The following PSAT1 variants were observed in gnomAD, a reference collection of about 807,000 sequenced individuals.
PSAT1 encodes the protein phosphoserine aminotransferase 1.
PSAT1 carries 41 observed loss-of-function variants against 40.3 expected under a neutral mutation model. The observed-to-expected ratio is 1.02, with a 90% confidence interval of 0.79 to 1.32. The LOEUF is 1.32. Among genes scored for constraint, PSAT1 ranks in the 40% most tolerant of loss-of-function variants. The probability of loss-of-function intolerance (pLI) is 0.00; values close to 1 mark genes in which losing one functional copy is unlikely to be tolerated. For synonymous variants in PSAT1, 147 were observed against 170.5 expected (o/e 0.86, Z 1.07); for missense variants, 406 against 455.8 (o/e 0.89, Z 0.99).
At chr9:78,310,199 C>T (rs1828246239) in intron 6 of PSAT1, among the ~76,000 whole-genome samples, 1 of 152,148 alleles carries the variant, frequency 6.6e-6, no homozygotes, top group East Asian at 1.9e-4. Context: ...CTCCCAACTA[C>T]CCTAGTAGGT....
rs180832015 is a variant in PSAT1, at chr9:78,308,264, T to C, written c.571-150T>C. On this transcript the variant is annotated intron_variant, in intron 5 of 8. Transcript: ENST00000376588. ...TCTGAGTATGGGTTTGCTGTCCACATGGAGATTGCTTTAGAGCATGAACTG... is the reference window on the plus strand; with the variant it reads ...TCTGAGTATGGGTTTGCTGTCCACACGGAGATTGCTTTAGAGCATGAACTG... The C allele has an allele frequency of 1.0e-4, 91 of 882,932 alleles. No individual in the cohort carries two copies. The East Asian group carries it at 1.1e-3, about 11-fold the overall frequency. The allele number at this position is 882,932 out of a possible 1,614,324, so 54.7% of individuals were successfully genotyped here.
intron 1 of PSAT1, chr9:78,298,529 C>A: frequency 2.7e-6 from 2 of 747,570 alleles, no homozygotes; most frequent in Non-Finnish European, 3.3e-6. Flanking sequence ...AGATTCCCTG[C>A]TCCAGCTGTG....
At chr9:78,308,282 A>G (rs1828214250) in intron 5 of PSAT1, 132 bp from the exon 6 acceptor site, 1 of 1,044,916 alleles carries the variant, frequency 9.6e-7, no homozygotes, top group Non-Finnish European at 1.5e-6. Flanking sequence ...GCTTTAGAGC[A>G]TGAACTGCTC....
At chr9:78,310,697 G>A (rs747624359) in intron 6 of PSAT1, among the ~76,000 whole-genome samples, 11 of 150,944 alleles carry the variant, frequency 7.3e-5, no homozygotes, top group Non-Finnish European at 1.6e-4. Flanking sequence ...TGCAACCTCC[G>A]CCTCCCGGGT....
chr9:78,317,944 C>T, intron 7 of PSAT1, 140 bp downstream of exon 7: 1 of 1,085,912 alleles, frequency 9.2e-7, no homozygotes, highest in East Asian at 2.5e-5. Flanking sequence ...TCCTGGGCCC[C>T]ATGAGCAGGG....
chr9:78,315,060 T>C (rs1311229963), intron 6 of PSAT1, among the ~76,000 whole-genome samples: 1 of 152,116 alleles, frequency 6.6e-6, no homozygotes, highest in Non-Finnish European at 1.5e-5. Flanking sequence ...GCAGAGCATC[T>C]GATGAACAGA....
At chr9:78,306,184 G>C in intron 4 of PSAT1, 130 bp from the exon 5 acceptor site, 1 of 982,072 alleles carries the variant, frequency 1.0e-6, no homozygotes, top group Middle Eastern at 3.1e-4. Context: ...GCTTTCACTC[G>C]TGCAATGCTT....
At chr9:78,315,495 G>T (rs941719235) in intron 6 of PSAT1, among the ~76,000 whole-genome samples, 41 of 152,162 alleles carry the variant, frequency 2.7e-4, no homozygotes, top group Non-Finnish European at 1.2e-4. Flanking sequence ...TGACTTCTTG[G>T]ACGTTAGCCA....
At chr9:78,313,995 C>T (rs1439791128) in intron 6 of PSAT1, among the ~76,000 whole-genome samples, 2 of 152,132 alleles carry the variant, frequency 1.3e-5, no homozygotes, top group Non-Finnish European at 2.9e-5. Flanking sequence ...GGACATACCT[C>T]GATTTATTTA....
At chr9:78,307,203 C>G (rs1828196999) in intron 5 of PSAT1, among the ~76,000 whole-genome samples, 2 of 152,214 alleles carry the variant, frequency 1.3e-5, no homozygotes, top group African/African-American at 4.8e-5. Flanking sequence ...CCCTCTCTCC[C>G]CACCGTCCAG....
At chr9:78,312,524 C>T (rs1587640664) in intron 6 of PSAT1, among the ~76,000 whole-genome samples, 2 of 151,710 alleles carry the variant, frequency 1.3e-5, no homozygotes, top group African/African-American at 2.4e-5. Flanking sequence ...GGACAAACCC[C>T]GTCTCTACTA....
At chr9:78,318,064 G>A (rs1828375115) in intron 7 of PSAT1, among the ~76,000 whole-genome samples, 2 of 152,098 alleles carry the variant, frequency 1.3e-5, no homozygotes, top group Admixed American at 1.3e-4. Context: ...ATCGCCCTGG[G>A]GAAGAATCTC....
chr9:78,325,858 G>T (rs758335537), intron 7 of PSAT1, among the ~76,000 whole-genome samples: 2 of 152,154 alleles, frequency 1.3e-5, no homozygotes, highest in Non-Finnish European at 2.9e-5. Flanking sequence ...CTACTTTCAT[G>T]ATAGGATGGG....
At chr9:78,322,818 T>C (rs1828448770) in intron 7 of PSAT1, among the ~76,000 whole-genome samples, 2 of 152,198 alleles carry the variant, frequency 1.3e-5, no homozygotes, top group African/African-American at 4.8e-5. Context: ...AAATGCAGAT[T>C]AAACCCATGA....
chr9:78,316,315 TC>T (rs1441907358), intron 6 of PSAT1, among the ~76,000 whole-genome samples: 1 of 152,186 alleles, frequency 6.6e-6, no homozygotes, highest in African/African-American at 2.4e-5. Context: ...CAGCTGGACT[TC>T]CTGGAACCAG....
chr9:78,322,042 TATC>T (rs1828436194), intron 7 of PSAT1, among the ~76,000 whole-genome samples: 1 of 151,868 alleles, frequency 6.6e-6, no homozygotes, highest in Non-Finnish European at 1.5e-5. Flanking sequence ...TAGCTCTTAA[TATC>T]ATTATTTGTG....
intron 4 of PSAT1, among the ~76,000 whole-genome samples, chr9:78,305,526 C>G (rs532884282): frequency 5.5e-4 from 83 of 152,274 alleles, no homozygotes; most frequent in Admixed American, 2.5e-3. Flanking sequence ...GATCAGGGGC[C>G]CCAACAATGT....
At chr9:78,314,285 G>A (rs1339307101) in intron 6 of PSAT1, among the ~76,000 whole-genome samples, 2 of 141,216 alleles carry the variant, frequency 1.4e-5, no homozygotes. Flanking sequence ...GGGTGGGAGG[G>A]GAGGCAGGAC....
At chr9:78,308,644 G>T (rs117103588) in intron 6 of PSAT1, 61 bp downstream of exon 6, 4 of 1,584,672 alleles carry the variant, frequency 2.5e-6, no homozygotes, top group Non-Finnish European at 3.4e-6. Flanking sequence ...TCATCAAAGC[G>T]GAGGTTACAT....
Sources: gnomAD v4.1 joint callset for allele counts (sites outside exome capture counted in the v4.1 genomes callset) on GRCh38, gnomAD v4.1.1 for gene constraint, MANE v1.5 for transcripts, NCBI Gene and HGNC (gene_info 2026-07-23, HGNC 2026-07-21) for gene names.